Variants in ATF6 observed in about 807,000 individuals in gnomAD.
The protein encoded by ATF6 is cyclic AMP-dependent transcription factor ATF-6 alpha.
In ATF6, 53 loss-of-function variants were observed where a neutral mutation model predicts 83.6. The ratio of observed to expected loss-of-function variants is 0.63; its 90% confidence interval spans 0.51 to 0.80. The LOEUF is 0.80. ATF6 is among the 30% of genes least tolerant of loss of function. ATF6 has a pLI of 0.00. For synonymous variants in ATF6, 288 were observed against 285.8 expected (o/e 1.01, Z -0.08); for missense variants, 744 against 797.9 (o/e 0.93, Z 0.81).
chr1:161,888,362 C>T (rs570884890), intron 14 of ATF6, among the ~76,000 whole-genome samples: 43 of 152,086 alleles, frequency 2.8e-4, no homozygotes, highest in South Asian at 6.2e-4. Context: ...TCTTTTATAG[C>T]CAAAGTTATG....
At chr1:161,895,952 C>T (rs763069874) in intron 14 of ATF6, among the ~76,000 whole-genome samples, 1 of 152,074 alleles carries the variant, frequency 6.6e-6, no homozygotes, top group Non-Finnish European at 1.5e-5. Flanking sequence ...AATTACTGAT[C>T]TTTGAGAAAA....
chr1:161,825,841 A>T (rs553338684), intron 9 of ATF6, among the ~76,000 whole-genome samples: 1 of 152,190 alleles, frequency 6.6e-6, no homozygotes, highest in African/African-American at 2.4e-5. Context: ...AGGTTGAGGG[A>T]TGGGACTGAA....
intron 7 of ATF6, among the ~76,000 whole-genome samples, chr1:161,812,371 CTTTTTTTTTTTTTTTTTTTTTTT>C (rs869240831): frequency 1.0e-3 from 36 of 34,394 alleles, no homozygotes; most frequent in African/African-American, 3.0e-3. Flanking sequence ...CAGGTATTTT[CTTTTTTTTTTTTTTTTTTTTTTT>C]TTTTTTTTTT....
In ATF6 at chr1:161,791,068, GTGTGTGTGTGTGTGTCTC is replaced by G. The variant is rs1486722760; in HGVS notation, c.355-324_355-307del. Reference sequence around the variant, plus strand: ...ACTACGAACCAAGTTTTATATGTGTGTGTGTGTGTGTGTGTCTCTGTGTGTGTGTGTGTGTCTCTGTGT... The same window carrying G: ...ACTACGAACCAAGTTTTATATGTGTGTGTGTGTGTGTGTGTGTCTCTGTGT... On this transcript the variant is annotated intron_variant, in intron 4 of 15. Transcript: ENST00000367942. Among the ~76,000 whole-genome samples the G allele has an allele frequency of 2.3e-3, 235 of 101,132 alleles. 2 individuals are homozygous for G. Among genetic ancestry groups the G allele is most frequent in the African/African-American group, 0.012 (169 of 14,460 alleles). The allele number at this position is 101,132 out of a possible 152,430, so 66.3% of individuals were successfully genotyped here. A position where few individuals can be genotyped will look rare whatever the true frequency, so the allele number is the denominator to read the frequency against.
chr1:161,778,042 G>T (rs577560357), intron 1 of ATF6, among the ~76,000 whole-genome samples: 1 of 152,256 alleles, frequency 6.6e-6, no homozygotes, highest in East Asian at 1.9e-4. Context: ...TAAGAATTCA[G>T]TTCACAAGAT....
chr1:161,789,059 ATGTTT>A (rs1278439424), intron 4 of ATF6, among the ~76,000 whole-genome samples: 1 of 151,822 alleles, frequency 6.6e-6, no homozygotes, highest in African/African-American at 2.4e-5. Flanking sequence ...GGTACATGAG[ATGTTT>A]TGACACAGGC....
chr1:161,835,218 C>T (rs1357613368), intron 9 of ATF6, among the ~76,000 whole-genome samples: 1 of 152,148 alleles, frequency 6.6e-6, no homozygotes, highest in Non-Finnish European at 1.5e-5. Flanking sequence ...GTACCTGGCT[C>T]ATTTAAAAAA....
In ATF6 at chr1:161,802,215, A is replaced by G. The variant is rs1685168228; in HGVS notation, c.852A>G (p.Gly284=). The G allele has an allele frequency of 1.9e-6, 3 of 1,614,070 alleles. No individual in the cohort carries two copies. Among genetic ancestry groups the G allele is most frequent in the Non-Finnish European group, 2.5e-6 (3 of 1,179,994 alleles). ...PAPSANSPVN[G]KLSVTKPVLQ... is the part of the protein sequence containing the mutation. ...CTTCAGCGAATAGCCCAGTGAATGG[A>G]AAACTTTCCGTGACTAAACCTGTCC... is the stretch of plus-strand genomic sequence containing the variant. Residue 284 remains glycine (G), a synonymous_variant, in exon 7 of 16, where the codon GGA becomes GGG. Coordinates refer to ENST00000367942, the MANE Select transcript of ATF6 (RefSeq NM_007348.4).
At chr1:161,796,593 G>A (rs891130331) in intron 6 of ATF6, among the ~76,000 whole-genome samples, 1 of 152,066 alleles carries the variant, frequency 6.6e-6, no homozygotes, top group African/African-American at 2.4e-5. Flanking sequence ...AATTTTTATA[G>A]CTATACTTCT....
At chr1:161,955,589 A>G (rs1264329034) in intron 15 of ATF6, among the ~76,000 whole-genome samples, 1 of 152,236 alleles carries the variant, frequency 6.6e-6, no homozygotes, top group East Asian at 1.9e-4. Flanking sequence ...TTGCCTCACT[A>G]ACTGTCCAAG....
At chr1:161,808,564 A>T (rs1685361614) in intron 7 of ATF6, among the ~76,000 whole-genome samples, 1 of 151,706 alleles carries the variant, frequency 6.6e-6, no homozygotes, top group African/African-American at 2.4e-5. Context: ...CCTTTTTTAA[A>T]TTTTTATTTA....
intron 9 of ATF6, among the ~76,000 whole-genome samples, chr1:161,836,290 G>T (rs1055904514): frequency 6.6e-6 from 1 of 152,110 alleles, no homozygotes; most frequent in South Asian, 2.1e-4. Context: ...AGCACATTTC[G>T]CCATATGATA....
At chr1:161,830,957 TTAAAC>T (rs1368131643) in intron 9 of ATF6, among the ~76,000 whole-genome samples, 3 of 152,154 alleles carry the variant, frequency 2.0e-5, no homozygotes, top group African/African-American at 7.2e-5. Context: ...TGGGATCTAA[TTAAAC>T]TAAAGAGCTT....
At chr1:161,899,821 A>G (rs1391899846) in intron 14 of ATF6, among the ~76,000 whole-genome samples, 18 of 152,154 alleles carry the variant, frequency 1.2e-4, no homozygotes, top group Admixed American at 1.2e-3. Flanking sequence ...TCCACAGCTT[A>G]CTTCAATGCT....
At chr1:161,924,239 TTACATGA>T (rs1204266619) in intron 15 of ATF6, among the ~76,000 whole-genome samples, 1 of 152,172 alleles carries the variant, frequency 6.6e-6, no homozygotes, top group Non-Finnish European at 1.5e-5. Context: ...GTGTCAGCAG[TTACATGA>T]TACTTTCTTT....
chr1:161,943,605 CAG>C (rs1688694268), intron 15 of ATF6, among the ~76,000 whole-genome samples: 1 of 152,154 alleles, frequency 6.6e-6, no homozygotes, highest in Non-Finnish European at 1.5e-5. Context: ...CTCAGATACT[CAG>C]GGCACGCTCC....
intron 14 of ATF6, among the ~76,000 whole-genome samples, chr1:161,890,067 T>C (rs1198134184): frequency 6.6e-6 from 1 of 152,232 alleles, no homozygotes; most frequent in East Asian, 1.9e-4. Flanking sequence ...ACAGGTTAAA[T>C]ACTACATTAT....
At chr1:161,866,111 A>G (rs1270451491) in intron 14 of ATF6, among the ~76,000 whole-genome samples, 1 of 152,224 alleles carries the variant, frequency 6.6e-6, no homozygotes, top group Non-Finnish European at 1.5e-5. Context: ...AATTGATACT[A>G]CATTGGAAAT....
At chr1:161,886,721 A>T (rs1687429689) in intron 14 of ATF6, among the ~76,000 whole-genome samples, 2 of 152,234 alleles carry the variant, frequency 1.3e-5, no homozygotes, top group Admixed American at 1.3e-4. Context: ...GCGTAAGTGT[A>T]CTTATAGTTT....
Sources: allele counts gnomAD v4.1 joint callset (sites outside exome capture counted in the v4.1 genomes callset), GRCh38; gene constraint gnomAD v4.1.1; transcripts MANE v1.5; gene names NCBI Gene and HGNC (gene_info 2026-07-23, HGNC 2026-07-21).